The following VPS13D variants were observed in gnomAD, a reference collection of about 807,000 sequenced individuals.
VPS13D encodes intermembrane lipid transfer protein VPS13D.
VPS13D carries 187 observed loss-of-function variants against 461.9 expected under a neutral mutation model. That is an observed-to-expected ratio of 0.40 (90% CI 0.36 to 0.46). The LOEUF (loss-of-function observed/expected upper bound fraction) is 0.46. VPS13D is among the 20% of genes least tolerant of loss of function. The pLI is 0.60. For synonymous variants in VPS13D, 1,951 were observed against 1,986.3 expected, an observed-to-expected ratio of 0.98 and a Z score of 0.47; for missense variants, 4,711 against 5,364.9, an observed-to-expected ratio of 0.88 and a Z score of 3.81.
At chr1:12,346,053 A>G (rs1048402421) in intron 43 of VPS13D, among the ~76,000 whole-genome samples, 2 of 152,186 alleles carry the variant, frequency 1.3e-5, no homozygotes, top group Non-Finnish European at 2.9e-5. Flanking sequence ...ATGCAGGTGG[A>G]GGCTGACATC....
intron 21 of VPS13D, among the ~76,000 whole-genome samples, chr1:12,285,968 CTT>C (rs1489678590): frequency 0.013 from 1,709 of 132,606 alleles, 20 homozygotes; most frequent in Middle Eastern, 0.026. Context: ...CTTTCCTTTC[CTT>C]TCCTTTCCTT....
rs147972808 is a variant in VPS13D at position 12,312,804 on chromosome 1, A to G, written c.6935+879A>G. On this transcript the variant is annotated intron_variant, in intron 29 of 69. Coordinates refer to ENST00000620676, the MANE Select transcript of VPS13D (RefSeq NM_015378.4). The stretch of plus-strand genomic sequence containing the variant: ...GATTTTATATAAAAGGTTTGTATTT[A>G]GCTTCTTTTGAAAAACTGGAAGCTT... Among the ~76,000 whole-genome samples, 4 of 152,282 alleles carry G rather than the reference A, an allele frequency of 2.6e-5. No homozygotes were observed. The East Asian group carries it at 7.7e-4, about 29-fold the overall frequency.
chr1:12,349,851 C>T (rs566965239), intron 46 of VPS13D, among the ~76,000 whole-genome samples: 3 of 152,186 alleles, frequency 2.0e-5, no homozygotes, highest in East Asian at 3.9e-4. Context: ...TCCCATTATA[C>T]GGGAGTATGT....
In VPS13D at chr1:12,318,344, A is replaced by G. The variant is rs753554636; in HGVS notation, c.7414+7A>G. 1.9e-6 allele frequency: 3 copies of G among 1,603,008 alleles called. No individual in the cohort carries two copies. Among genetic ancestry groups the G allele is most frequent in the Admixed American group, 1.7e-5 (1 of 59,842 alleles). On this transcript the variant is annotated splice_region_variant and intron_variant, in intron 31 of 69. Coordinates refer to ENST00000620676, the MANE Select transcript of VPS13D (RefSeq NM_015378.4). ...GTCAAGGTCAATGTAACAGGTGATTATATGTGGGTGTGATTCATTGGTGCT... is the reference window on the plus strand; with the variant it reads ...GTCAAGGTCAATGTAACAGGTGATTGTATGTGGGTGTGATTCATTGGTGCT...
intron 31 of VPS13D, among the ~76,000 whole-genome samples, chr1:12,318,594 T>C (rs925403942): frequency 6.6e-6 from 1 of 152,168 alleles, no homozygotes; most frequent in Non-Finnish European, 1.5e-5. Context: ...AGCACCCGCC[T>C]GGGCAGTGGT....
chr1:12,451,752 C>G (rs1459783885), intron 65 of VPS13D, among the ~76,000 whole-genome samples: 14 of 152,212 alleles, frequency 9.2e-5, no homozygotes, highest in Admixed American at 9.2e-4. Context: ...ATATGCCATG[C>G]CAGATGCTTT....
At chr1:12,273,778 C>T (rs1449897310) in intron 18 of VPS13D, among the ~76,000 whole-genome samples, 2 of 152,088 alleles carry the variant, frequency 1.3e-5, no homozygotes, top group African/African-American at 2.4e-5. Context: ...GGCTGTTCCG[C>T]GTTTTGTTTA....
At position 12,370,482 on chromosome 1, in the gene VPS13D, A is replaced by G. The variant is rs544583969; in HGVS notation, c.10808+780A>G. Among the ~76,000 whole-genome samples the G allele has an allele frequency of 3.9e-5, 6 of 152,346 alleles. No individual in the cohort carries two copies. In the South Asian group the frequency reaches 1.2e-3, roughly 32 times the overall value. On this transcript the variant is annotated intron_variant, in intron 54 of 69. Transcript: ENST00000620676. ...ATGTTCGGAACATTTTTGCATATGA[A>G]TAAGATTTTTATACATGCCTGGGGC... is the stretch of plus-strand genomic sequence containing the variant.
At chr1:12,274,905 G>A (rs1183585979) in intron 18 of VPS13D, among the ~76,000 whole-genome samples, 2 of 152,076 alleles carry the variant, frequency 1.3e-5, no homozygotes, top group African/African-American at 4.8e-5. Flanking sequence ...CCAACATGGT[G>A]AAACCCTGTC....
In VPS13D at chr1:12,261,919, A is replaced by G; in HGVS notation, c.1433A>G (p.Asp478Gly). 14 of 1,607,878 alleles carry G rather than the reference A, an allele frequency of 8.7e-6. No individual in the cohort carries two copies. Among genetic ancestry groups the G allele is most frequent in the Non-Finnish European group, 1.2e-5 (14 of 1,176,786 alleles). Reference sequence around the variant, plus strand: ...CATTTAGGCACTGAGGAGTTTTTTGACCCCACTGCAGATGCCTCGTGTATG... The same window carrying G: ...CATTTAGGCACTGAGGAGTTTTTTGGCCCCACTGCAGATGCCTCGTGTATG... ...EEILGTEEFF[D>G]PTADASCMNT... is the part of the protein sequence containing the mutation. The change falls in exon 13 of 70, where the codon GAC (aspartate) becomes GGC (glycine). Residue 478 changes from aspartate to glycine, a missense_variant. By Grantham distance (94) the Asp-to-Gly change is moderately conservative (BLOSUM62 -1). This residue lies in a region of VPS13D where 4,411 missense variants were observed against 4,937.8 expected (regional missense o/e 0.89). Transcript: ENST00000620676.
intron 60 of VPS13D, among the ~76,000 whole-genome samples, chr1:12,397,605 T>C (rs1411660860): frequency 6.6e-6 from 1 of 152,216 alleles, no homozygotes; most frequent in African/African-American, 2.4e-5. Context: ...GAGATATGGC[T>C]ATGACTTCAA....
chr1:12,498,465 G>A (rs1187016772), intron 68 of VPS13D, among the ~76,000 whole-genome samples: 2 of 152,166 alleles, frequency 1.3e-5, no homozygotes, highest in African/African-American at 4.8e-5. Flanking sequence ...TCATCTCATA[G>A]TTTCATGGTA....
intron 46 of VPS13D, among the ~76,000 whole-genome samples, chr1:12,350,382 C>T (rs866058899): frequency 7.9e-5 from 12 of 152,062 alleles, no homozygotes; most frequent in Middle Eastern, 3.2e-3. Context: ...GATACCTAAT[C>T]CCAAATATTG....
intron 67 of VPS13D, among the ~76,000 whole-genome samples, chr1:12,469,048 A>C (rs1241409241): frequency 6.6e-6 from 1 of 152,026 alleles, no homozygotes; most frequent in Non-Finnish European, 1.5e-5. Flanking sequence ...GAAAAAAAAA[A>C]AAACAAAAAA....
chr1:12,445,446 A>C (rs955223578), intron 65 of VPS13D, among the ~76,000 whole-genome samples: 2 of 152,218 alleles, frequency 1.3e-5, no homozygotes, highest in Non-Finnish European at 2.9e-5. Context: ...GAAATCAGTT[A>C]ACCTGGAGAT....
intron 39 of VPS13D, 47 bp downstream of exon 39, chr1:12,335,874 C>T (rs766274931): frequency 1.2e-6 from 2 of 1,610,018 alleles, no homozygotes; most frequent in East Asian, 2.2e-5. Context: ...TTTTGACCTA[C>T]AAAGCAATGC....
intron 64 of VPS13D, 129 bp downstream of exon 64, chr1:12,415,350 G>C (rs912360703): frequency 1.2e-4 from 142 of 1,229,162 alleles, no homozygotes; most frequent in Middle Eastern, 4.7e-4. Context: ...GTTGTGTTAC[G>C]GGTCAGGTCA....
At chr1:12,421,996 A>C (rs1408848311) in intron 65 of VPS13D, among the ~76,000 whole-genome samples, 1 of 152,008 alleles carries the variant, frequency 6.6e-6, no homozygotes, top group Non-Finnish European at 1.5e-5. Flanking sequence ...ATGCTCGACT[A>C]ATTTGTATTT....
intron 22 of VPS13D, among the ~76,000 whole-genome samples, chr1:12,290,459 A>C (rs1391341724): frequency 6.6e-6 from 1 of 152,166 alleles, no homozygotes; most frequent in Admixed American, 6.5e-5. Context: ...GCGGTGGCTC[A>C]CACCTGTAAT....
Sources: allele counts gnomAD v4.1 joint callset (sites outside exome capture counted in the v4.1 genomes callset), GRCh38; gene constraint gnomAD v4.1.1; regional missense constraint gnomAD v4.1.1; transcripts MANE v1.5; gene names NCBI Gene and HGNC (gene_info 2026-07-23, HGNC 2026-07-21).